ANKS1B: variants seen among roughly 807,000 people sequenced by gnomAD.
ANKS1B encodes the protein ankyrin repeat and sterile alpha motif domain containing 1B.
In ANKS1B, 36 loss-of-function variants were observed where a neutral mutation model predicts 148.3. The ratio of observed to expected loss-of-function variants is 0.24; its 90% CI spans 0.19 to 0.32. The LOEUF is 0.32. Among genes scored for constraint, ANKS1B ranks in the 10% least tolerant of loss-of-function variants. The pLI, the probability that ANKS1B is intolerant of heterozygous loss-of-function variation, is 1.00. For missense variants in ANKS1B, 1,157 were observed against 1,542.6 expected, an observed-to-expected ratio of 0.75 and a Z score of 4.19; for synonymous variants, 542 against 560.8, an observed-to-expected ratio of 0.97 and a Z score of 0.47.
At chr12:99,370,785 A>G (rs2093086459) in intron 12 of ANKS1B, among the ~76,000 whole-genome samples, 1 of 152,154 alleles carries the variant, frequency 6.6e-6, no homozygotes, top group Non-Finnish European at 1.5e-5. Context: ...AAATGACCAT[A>G]ATTTATCAGA....
intron 17 of ANKS1B, among the ~76,000 whole-genome samples, chr12:98,991,146 A>G (rs1440836631): frequency 6.6e-6 from 1 of 152,220 alleles, no homozygotes; most frequent in Non-Finnish European, 1.5e-5. Flanking sequence ...TGAGTTTAAC[A>G]ATTGCTAAAC....
At chr12:99,176,517 C>G (rs910336808) in intron 14 of ANKS1B, among the ~76,000 whole-genome samples, 1 of 152,046 alleles carries the variant, frequency 6.6e-6, no homozygotes, top group Non-Finnish European at 1.5e-5. Flanking sequence ...ACAAATGGAG[C>G]CTCAATGTTA....
At chr12:99,550,062 T>C (rs1283102102) in intron 9 of ANKS1B, among the ~76,000 whole-genome samples, 1 of 152,216 alleles carries the variant, frequency 6.6e-6, no homozygotes, top group Non-Finnish European at 1.5e-5. Context: ...GTGTTGTTGT[T>C]GAGCCAGCAA....
chr12:99,506,733 G>T (rs989620114), intron 9 of ANKS1B, among the ~76,000 whole-genome samples: 1 of 151,824 alleles, frequency 6.6e-6, no homozygotes, highest in Non-Finnish European at 1.5e-5. Flanking sequence ...GGCAAATTTG[G>T]CTCAATACAA....
chr12:99,247,384 T>C (rs1254223595), intron 12 of ANKS1B, among the ~76,000 whole-genome samples: 1 of 152,244 alleles, frequency 6.6e-6, no homozygotes, highest in African/African-American at 2.4e-5. Flanking sequence ...ATAATCCTGA[T>C]ATTACCTTAA....
At chr12:99,247,702 T>C (rs1223839931) in intron 12 of ANKS1B, among the ~76,000 whole-genome samples, 1 of 152,236 alleles carries the variant, frequency 6.6e-6, no homozygotes, top group East Asian at 1.9e-4. Context: ...AAATACACCA[T>C]GCTTTTTGCG....
chr12:99,687,169 TCA>T (rs2098654330), intron 8 of ANKS1B, among the ~76,000 whole-genome samples: 1 of 152,188 alleles, frequency 6.6e-6, no homozygotes, highest in African/African-American at 2.4e-5. Context: ...CACTTCAGAC[TCA>T]CAGAGTTTAT....
intron 13 of ANKS1B, among the ~76,000 whole-genome samples, chr12:99,245,211 A>G (rs73140985): frequency 0.3 from 45,407 of 152,050 alleles, 8,005 homozygotes; most frequent in East Asian, 0.49. Flanking sequence ...CTGACATCCA[A>G]TCACCAGCAT....
chr12:99,402,102 T>A (rs889371200), intron 11 of ANKS1B, among the ~76,000 whole-genome samples: 1 of 146,476 alleles, frequency 6.8e-6, no homozygotes, highest in Non-Finnish European at 1.5e-5. Flanking sequence ...ACCTCAATTT[T>A]GTGCTCAATA....
chr12:99,374,342 T>C (rs974741667), intron 12 of ANKS1B, among the ~76,000 whole-genome samples: 3 of 152,188 alleles, frequency 2.0e-5, no homozygotes, highest in Non-Finnish European at 1.5e-5. Context: ...GGATTTTCTC[T>C]GGGTATTCTG....
intron 17 of ANKS1B, among the ~76,000 whole-genome samples, chr12:99,052,589 G>A (rs1405605801): frequency 1.3e-5 from 2 of 148,890 alleles, no homozygotes; most frequent in South Asian, 2.2e-4. Context: ...TTAGCCGGGC[G>A]CGGTGGCGGG....
At chr12:99,270,987 T>A (rs1281105664) in intron 12 of ANKS1B, among the ~76,000 whole-genome samples, 1 of 152,220 alleles carries the variant, frequency 6.6e-6, no homozygotes, top group Non-Finnish European at 1.5e-5. Context: ...GAAAAATTAA[T>A]GAATGTGTCT....
At chr12:98,917,097 G>T (rs2099795415) in intron 17 of ANKS1B, among the ~76,000 whole-genome samples, 1 of 151,872 alleles carries the variant, frequency 6.6e-6, no homozygotes, top group South Asian at 2.1e-4. Context: ...AGTAGCTGGT[G>T]CTACAGATGT....
At chr12:98,897,823 A>G (rs2099766897) in intron 17 of ANKS1B, among the ~76,000 whole-genome samples, 1 of 152,240 alleles carries the variant, frequency 6.6e-6, no homozygotes. Flanking sequence ...ACCTGTGTCT[A>G]TCAGTGAATG....
chr12:99,085,900 A>G (rs557907133), intron 15 of ANKS1B, among the ~76,000 whole-genome samples: 6 of 152,286 alleles, frequency 3.9e-5, no homozygotes, highest in African/African-American at 1.4e-4. Flanking sequence ...CAGGAAAAAT[A>G]ACTCATCAGT....
intron 1 of ANKS1B, among the ~76,000 whole-genome samples, chr12:99,885,541 G>A (rs557427065): frequency 5.7e-4 from 87 of 152,180 alleles, no homozygotes; most frequent in African/African-American, 2.0e-3. Context: ...CTGACCTCGT[G>A]ATCCGCCCGC....
Position 98,745,790 on chromosome 12 carries a change from G to C in ANKS1B, c.3807C>G (p.Gly1269=), listed in dbSNP as rs749752117. The change falls in exon 27 of 27, where the codon GGC becomes GGG. Residue 1269 remains glycine (G), a synonymous_variant. Coordinates refer to ENST00000683438, the MANE Select transcript of ANKS1B (RefSeq NM_001352186.2). ...LANLPWIVEP[G]QEAKRGINTK... is the part of the protein sequence containing the mutation. ...TATTAATGCCCCTCTTGGCTTCTTG[G>C]CCCGGCTCCACAATCCACGGTAGAT... is the stretch of plus-strand genomic sequence containing the variant. 4 of 1,613,742 alleles carry C rather than the reference G, an allele frequency of 2.5e-6. No homozygotes were observed. In the South Asian group the frequency reaches 4.4e-5, roughly 18 times the overall value.
chr12:99,339,532 C>T (rs2089549634), intron 12 of ANKS1B, among the ~76,000 whole-genome samples: 1 of 152,114 alleles, frequency 6.6e-6, no homozygotes, highest in African/African-American at 2.4e-5. Context: ...CTTGTGTGGA[C>T]AGTTGTTCAA....
intron 17 of ANKS1B, among the ~76,000 whole-genome samples, chr12:99,017,431 T>C (rs1156518599): frequency 1.3e-5 from 2 of 152,204 alleles, no homozygotes; most frequent in Non-Finnish European, 2.9e-5. Flanking sequence ...TCACAAGATT[T>C]GTGACCTTCC....
Sources: gnomAD v4.1 joint callset for allele counts (sites outside exome capture counted in the v4.1 genomes callset) on GRCh38, gnomAD v4.1.1 for gene constraint, MANE v1.5 for transcripts, NCBI Gene and HGNC (gene_info 2026-07-23, HGNC 2026-07-21) for gene names.